Variants in TRPM8 observed in about 807,000 individuals in gnomAD.
TRPM8 encodes the protein transient receptor potential cation channel subfamily M member 8, also known as TRPM8 cationic channel.
A neutral mutation model predicts 133.7 loss-of-function variants in TRPM8; 110 were observed. The observed-to-expected ratio is 0.82, with a 90% CI of 0.70 to 0.96. The LOEUF is 0.96. Ranked by LOEUF, TRPM8 falls within the 40% of genes least tolerant of loss-of-function variation. The pLI is 0.00. For missense variants in TRPM8, 1,291 were observed against 1,379.5 expected, an observed-to-expected ratio of 0.94 and a Z score of 1.02; for synonymous variants, 535 against 532.3, an observed-to-expected ratio of 1.01 and a Z score of -0.07.
Position 233,980,296 on chromosome 2 carries a change from C to T in TRPM8, c.2447+17C>T, listed in dbSNP as rs755260742. The T allele has an allele frequency of 2.0e-5, 31 of 1,547,598 alleles. No individual in the cohort carries two copies. The highest frequency in any genetic ancestry group is 2.6e-5 in the Non-Finnish European group (30 of 1,140,732). Reference sequence around the variant, plus strand: ...TGTATTTCGGTAAGTAGTCTCATCACTTTTCCTAATTTTCTGTGTTTTGAC... The same window carrying T: ...TGTATTTCGGTAAGTAGTCTCATCATTTTTCCTAATTTTCTGTGTTTTGAC... On this transcript the variant is annotated intron_variant, in intron 18 of 25. Transcript: ENST00000324695.
chr2:233,950,181 A>G, intron 9 of TRPM8, 35 bp downstream of exon 9: 1 of 1,591,768 alleles, frequency 6.3e-7, no homozygotes, highest in Non-Finnish European at 8.6e-7. Context: ...GGGCTGAGAA[A>G]ATAAGACAAG....
chr2:233,933,324 A>G (rs1691717736), intron 3 of TRPM8, among the ~76,000 whole-genome samples: 2 of 152,222 alleles, frequency 1.3e-5, no homozygotes, highest in Non-Finnish European at 2.9e-5. Context: ...GGCTAGGACA[A>G]CGAAGGAATG....
intron 24 of TRPM8, among the ~76,000 whole-genome samples, chr2:234,012,974 G>T (rs1036044526): frequency 6.6e-6 from 1 of 152,062 alleles, no homozygotes; most frequent in African/African-American, 2.4e-5. Context: ...AAATACCCCT[G>T]GGTGGTGGTG....
chr2:233,927,214 G>T (rs1198335218), intron 2 of TRPM8, among the ~76,000 whole-genome samples: 1 of 152,202 alleles, frequency 6.6e-6, no homozygotes, highest in African/African-American at 2.4e-5. Flanking sequence ...AGTGTTAAAA[G>T]TCGGGATAGC....
In TRPM8 at chr2:233,985,803, G is replaced by A. The variant is rs757543502; in HGVS notation, c.2877G>A (p.Leu959=). The stretch of plus-strand genomic sequence containing the variant: ...TCCCCGAGTGGATCACCATCCCCCT[G>A]GTGTGCATCTACATGTTATCCACCA... The part of the protein sequence containing the change: ...PRFPEWITIP[L]VCIYMLSTNI... The change falls in exon 21 of 26, where the codon CTG becomes CTA. Residue 959 remains leucine (L), a synonymous_variant. Transcript: ENST00000324695. The A allele has an allele frequency of 2.5e-6, 4 of 1,614,154 alleles. No individual in the cohort carries two copies. The highest frequency in any genetic ancestry group is 2.7e-5 in the African/African-American group (2 of 75,042).
At position 233,996,451 on chromosome 2, in the gene TRPM8, A is replaced by G. The variant is rs761467556; in HGVS notation, c.3065A>G (p.Tyr1022Cys). The G allele has an allele frequency of 1.9e-6, 3 of 1,614,110 alleles. No individual in the cohort carries two copies. The highest frequency in any genetic ancestry group is 3.3e-5 in the Admixed American group (2 of 60,020). ...PFPFIVFAYF[Y>C]MVVKKCFKCC... The stretch of plus-strand genomic sequence containing the variant: ...CCCTTCATCGTCTTCGCTTACTTCT[A>G]CATGGTGGTGAAGAAGTGCTTCAAG... The change falls in exon 22 of 26, where the codon TAC (tyrosine) becomes TGC (cysteine). Residue 1022 changes from tyrosine to cysteine, a missense_variant. Physicochemically the swap from Tyr to Cys is radical, Grantham distance 194. Transcript: ENST00000324695.
chr2:233,963,233 C>A, intron 12 of TRPM8, 49 bp from the exon 13 acceptor site: 3 of 1,354,876 alleles, frequency 2.2e-6, no homozygotes, highest in Non-Finnish European at 2.1e-6. Context: ...TTCCTGATCC[C>A]AGAACAGTTT....
Position 233,949,936 on chromosome 2 carries a change from C to T in TRPM8, c.943-13C>T. On this transcript the variant is annotated splice_polypyrimidine_tract_variant and intron_variant, in intron 8 of 25. Transcript: ENST00000324695. ...AGGTCTCTGATCTGTCTGACTCTGTCTCCTTCCTCCAGGCCATCAATACCT... is the reference window on the plus strand; with the variant it reads ...AGGTCTCTGATCTGTCTGACTCTGTTTCCTTCCTCCAGGCCATCAATACCT... 1.2e-6 allele frequency: 2 copies of T among 1,613,528 alleles called. No homozygotes were observed. Among genetic ancestry groups the T allele is most frequent in the Non-Finnish European group, 1.7e-6 (2 of 1,179,764 alleles).
intron 15 of TRPM8, among the ~76,000 whole-genome samples, chr2:233,968,694 C>T (rs1204056540): frequency 6.6e-6 from 1 of 151,916 alleles, no homozygotes; most frequent in Non-Finnish European, 1.5e-5. Flanking sequence ...TTCCTCTGTT[C>T]CTGAGACACA....
intron 1 of TRPM8, among the ~76,000 whole-genome samples, chr2:233,920,447 C>T (rs187706603): frequency 6.6e-6 from 1 of 152,288 alleles, no homozygotes; most frequent in Non-Finnish European, 1.5e-5. Context: ...ACAAGTAAAT[C>T]CTAGAACTGG....
intron 3 of TRPM8, among the ~76,000 whole-genome samples, chr2:233,934,158 A>G (rs886260253): frequency 1.8e-4 from 27 of 152,226 alleles, no homozygotes; most frequent in African/African-American, 6.3e-4. Context: ...AATGCCACCT[A>G]AGATCAGGGA....
In TRPM8 at chr2:233,989,766, A is replaced by G. The variant is rs1692229252; in HGVS notation, c.2939+3901A>G. ...TCAACAGAGAAAGGAAATGGATGTG[A>G]ACATCTGTGATTATTCTACATTAAA... On this transcript the variant is annotated intron_variant, in intron 21 of 25. Coordinates refer to ENST00000324695, the MANE Select transcript of TRPM8 (RefSeq NM_024080.5). The surrounding 1 kb of genome is among the most constrained non-coding windows in gnomAD (Gnocchi z 4.2). Among the ~76,000 whole-genome samples, 1 of 152,212 alleles carries G rather than the reference A, an allele frequency of 6.6e-6. No homozygotes were observed. The highest frequency in any genetic ancestry group is 1.5e-5 in the Non-Finnish European group (1 of 68,038).
chr2:233,984,939 C>G (rs1692108298), intron 20 of TRPM8, among the ~76,000 whole-genome samples: 1 of 152,120 alleles, frequency 6.6e-6, no homozygotes, highest in Non-Finnish European at 1.5e-5. Flanking sequence ...CAAAAATTAG[C>G]TGGGCATGGT....
At chr2:234,005,848 T>C (rs1025877531) in intron 22 of TRPM8, among the ~76,000 whole-genome samples, 4 of 150,890 alleles carry the variant, frequency 2.7e-5, no homozygotes, top group African/African-American at 9.8e-5. Context: ...GAGGCTGAGG[T>C]TGCAGGGAGG....
At chr2:233,922,593 C>T (rs1691432746) in intron 1 of TRPM8, among the ~76,000 whole-genome samples, 2 of 152,144 alleles carry the variant, frequency 1.3e-5, no homozygotes, top group Admixed American at 6.5e-5. Context: ...GACATTTTCC[C>T]TCCAGCCTCC....
At chr2:233,977,915 G>C (rs1323078740) in intron 17 of TRPM8, among the ~76,000 whole-genome samples, 4 of 152,152 alleles carry the variant, frequency 2.6e-5, no homozygotes, top group Non-Finnish European at 4.4e-5. Context: ...AAATCACAAA[G>C]TAATAATGCT....
intron 17 of TRPM8, among the ~76,000 whole-genome samples, chr2:233,972,994 C>A (rs561345316): frequency 1.3e-5 from 2 of 152,220 alleles, no homozygotes; most frequent in South Asian, 4.1e-4. Flanking sequence ...CGAGAGCAAG[C>A]GAGGGCTGTG....
In TRPM8 at chr2:233,949,854, G is replaced by A. The variant is rs575560920; in HGVS notation, c.943-95G>A. ...AAGGAAAACGTGTAGGGATGTGTCC[G>A]TGTGTTTCCTCCAGCTTGGCTCAGA... On this transcript the variant is annotated intron_variant, in intron 8 of 25. Transcript: ENST00000324695. 126 of 1,100,554 alleles carry A rather than the reference G, an allele frequency of 1.1e-4. No individual in the cohort carries two copies. In the Admixed American group the frequency reaches 1.3e-3, roughly 11 times the overall value. 68.2% of individuals were successfully genotyped at this position (1,100,554 alleles called of 1,614,324 possible).
intron 14 of TRPM8, among the ~76,000 whole-genome samples, chr2:233,965,333 G>C (rs1392013570): frequency 1.3e-5 from 2 of 152,148 alleles, no homozygotes; most frequent in South Asian, 4.1e-4. Context: ...CTTCTATCAG[G>C]GCTGCAGCTG....
Sources: allele counts gnomAD v4.1 joint callset (sites outside exome capture counted in the v4.1 genomes callset), GRCh38; gene constraint gnomAD v4.1.1; non-coding constraint Gnocchi (gnomAD v3.1); transcripts MANE v1.5; gene names NCBI Gene and HGNC (gene_info 2026-07-23, HGNC 2026-07-21).